Variants in BICRAL observed in about 807,000 individuals in gnomAD.
The protein encoded by BICRAL is BICRA like chromatin remodeling complex associated protein, also known as BRD4-interacting chromatin-remodeling complex-associated protein-like.
BICRAL carries 8 observed loss-of-function variants against 91.8 expected under a neutral mutation model. The ratio of observed to expected loss-of-function variants is 0.09; its 90% confidence interval spans 0.05 to 0.16. The LOEUF is 0.16. Among genes scored for constraint, BICRAL ranks in the 10% least tolerant of loss-of-function variants. BICRAL has a pLI of 1.00. For synonymous variants in BICRAL, 445 were observed against 491.1 expected, an observed-to-expected ratio of 0.91 and a Z score of 1.24; for missense variants, 1,038 against 1,310.9, an observed-to-expected ratio of 0.79 and a Z score of 3.21.
intron 1 of BICRAL, among the ~76,000 whole-genome samples, chr6:42,808,832 C>G (rs1763780733): frequency 6.6e-6 from 1 of 152,128 alleles, no homozygotes; most frequent in South Asian, 2.1e-4. Context: ...AAACAGGACC[C>G]AGAGGTTGGA....
rs190975148 is a variant in BICRAL at position 42,829,533 on chromosome 6, G to C, written c.1200G>C (p.Gln400His). ...PMGQPHAPQS[Q>H]FLIPTSLSVS... The stretch of plus-strand genomic sequence containing the variant: ...GCCAACCTCACGCACCCCAAAGTCA[G>C]TTCCTTATACCTACAAGCCTTTCTG... The change falls in exon 6 of 13, where the codon CAG (glutamine) becomes CAC (histidine). Residue 400 changes from glutamine (Q) to histidine (H), a missense_variant. This residue lies in a region of BICRAL where 532 missense variants were observed against 724.9 expected (regional missense o/e 0.73). Transcript: ENST00000314073. 2.1e-4 allele frequency: 335 copies of C among 1,614,192 alleles called. 9 individuals carry two copies. The highest frequency in any genetic ancestry group is 1.8e-3 in the East Asian group (82 of 44,882).
At chr6:42,773,555 C>T (rs1762769714) in intron 1 of BICRAL, among the ~76,000 whole-genome samples, 1 of 152,120 alleles carries the variant, frequency 6.6e-6, no homozygotes, top group Non-Finnish European at 1.5e-5. Flanking sequence ...CGCTCTGTCA[C>T]CCAGGCTAGG....
intron 5 of BICRAL, among the ~76,000 whole-genome samples, chr6:42,823,897 C>G (rs979559482): frequency 3.3e-5 from 5 of 151,790 alleles, no homozygotes; most frequent in African/African-American, 9.7e-5. Flanking sequence ...GCATTCCAGC[C>G]TGGGCGACAG....
intron 1 of BICRAL, among the ~76,000 whole-genome samples, chr6:42,798,024 T>C (rs886759008): frequency 1.3e-5 from 2 of 152,082 alleles, no homozygotes; most frequent in African/African-American, 4.8e-5. Context: ...AAGAATGATA[T>C]CATGCCCTTC....
At chr6:42,844,077 C>T (rs535163555) in intron 6 of BICRAL, among the ~76,000 whole-genome samples, 1 of 147,366 alleles carries the variant, frequency 6.8e-6, no homozygotes, top group East Asian at 2.2e-4. Flanking sequence ...GCTGGGATTA[C>T]AGACGTGAGC....
intron 6 of BICRAL, among the ~76,000 whole-genome samples, chr6:42,837,608 C>T (rs929591196): frequency 1.3e-5 from 2 of 151,676 alleles, no homozygotes; most frequent in South Asian, 2.1e-4. Context: ...AAAAATTAGC[C>T]GGATGTGGTG....
chr6:42,821,970 T>C (rs1397325993), intron 2 of BICRAL, 48 bp from the exon 3 acceptor site: 20 of 1,220,094 alleles, frequency 1.6e-5, no homozygotes, highest in Non-Finnish European at 2.2e-5. Flanking sequence ...TACTACTGTC[T>C]TTAATCTGCT....
At chr6:42,825,831 A>AATCCCT (rs2113949702) in intron 5 of BICRAL, among the ~76,000 whole-genome samples, 1 of 114,808 alleles carries the variant, frequency 8.7e-6, no homozygotes, top group African/African-American at 3.8e-5. Flanking sequence ...GGCTCACACC[A>AATCCCT]ACACTTGTGA....
chr6:42,790,154 G>A (rs1346974738), intron 1 of BICRAL, among the ~76,000 whole-genome samples: 2 of 151,812 alleles, frequency 1.3e-5, no homozygotes, highest in Non-Finnish European at 2.9e-5. Context: ...AATAAGCATT[G>A]AGTTTCATTT....
intron 6 of BICRAL, among the ~76,000 whole-genome samples, chr6:42,833,632 C>T (rs1305553653): frequency 1.3e-5 from 2 of 151,500 alleles, no homozygotes; most frequent in Non-Finnish European, 2.9e-5. Flanking sequence ...ATTTTTAGTA[C>T]AGACAGGGTT....
chr6:42,814,718 T>TTTCA (rs1286280457), intron 2 of BICRAL, among the ~76,000 whole-genome samples: 1 of 150,496 alleles, frequency 6.6e-6, no homozygotes, highest in Non-Finnish European at 1.5e-5. Context: ...TAGAACAGGG[T>TTTCA]TTCACCATGT....
chr6:42,784,344 G>A (rs1763039454), intron 1 of BICRAL, among the ~76,000 whole-genome samples: 1 of 152,088 alleles, frequency 6.6e-6, no homozygotes, highest in African/African-American at 2.4e-5. Context: ...GAAAAGAGGA[G>A]GGGAAAGGTC....
Position 42,864,710 on chromosome 6 carries a change from A to C in BICRAL, c.2504A>C (p.His835Pro). Residue 835 changes from histidine to proline, a missense_variant, in exon 13 of 13, where the codon CAT becomes CCT. His to Pro is a moderately conservative substitution (Grantham distance 77, BLOSUM62 -2). Around this residue, in one of 5 missense-constraint regions of BICRAL, gnomAD observed 294 missense variants for 292.6 expected, o/e 1.00. Coordinates refer to ENST00000314073, the MANE Select transcript of BICRAL (RefSeq NM_001393499.1). ...TCCTTCAAACTTGATAAAGCTGCTC[A>C]TGAGACACAGTTTGGCCGGAGTGAC... ...CCSFKLDKAAHETQFGRSDQH... is the reference protein window; with the variant it reads ...CCSFKLDKAAPETQFGRSDQH... The C allele has an allele frequency of 6.2e-7, 1 of 1,614,134 alleles. No individual in the cohort carries two copies. Among genetic ancestry groups the C allele is most frequent in the Non-Finnish European group, 8.5e-7 (1 of 1,180,008 alleles).
At chr6:42,808,037 T>C (rs1763758031) in intron 1 of BICRAL, among the ~76,000 whole-genome samples, 1 of 152,130 alleles carries the variant, frequency 6.6e-6, no homozygotes, top group African/African-American at 2.4e-5. Context: ...CTGGGTATTT[T>C]TTCAATATTT....
intron 1 of BICRAL, among the ~76,000 whole-genome samples, chr6:42,747,282 C>T (rs972596849): frequency 6.6e-6 from 1 of 152,196 alleles, no homozygotes; most frequent in Non-Finnish European, 1.5e-5. Context: ...TCGCATGCTT[C>T]GCTCAGATCT....
At chr6:42,791,919 G>GAT (rs1049417329) in intron 1 of BICRAL, among the ~76,000 whole-genome samples, 24 of 152,176 alleles carry the variant, frequency 1.6e-4, no homozygotes, top group African/African-American at 5.8e-4. Context: ...TAGGCTATAT[G>GAT]ATATAGCCTA....
chr6:42,844,853 ACATT>A (rs1438909505), intron 6 of BICRAL, among the ~76,000 whole-genome samples: 11 of 152,184 alleles, frequency 7.2e-5, no homozygotes, highest in African/African-American at 2.7e-4. Flanking sequence ...AAGGAGAAAG[ACATT>A]CATTCTAGAG....
rs1281025647 is a variant in BICRAL, at chr6:42,770,673, C to T, written c.-260-11166C>T. 1.4e-3 allele frequency among the ~76,000 whole-genome samples: 211 copies of T among 150,902 alleles called. 2 individuals carry two copies. Among genetic ancestry groups the T allele is most frequent in the Middle Eastern group, 0.01 (3 of 288 alleles). ...TCAGGTGATCCACCCGCCTCGGCCT[C>T]CCAAAGTGCTGGGTTTACAGGCATG... On this transcript the variant is annotated intron_variant, in intron 1 of 14. Coordinates refer to the BICRAL transcript ENST00000614467.
chr6:42,811,623 GAAAA>G (rs34979167), intron 2 of BICRAL, among the ~76,000 whole-genome samples: 2 of 84,780 alleles, frequency 2.4e-5, no homozygotes, highest in Non-Finnish European at 5.2e-5. Flanking sequence ...CCATCTCAAA[GAAAA>G]AAAAAAAAAA....
Sources: allele counts gnomAD v4.1 joint callset (sites outside exome capture counted in the v4.1 genomes callset), GRCh38; gene constraint gnomAD v4.1.1; regional missense constraint gnomAD v4.1.1; transcripts MANE v1.5; gene names NCBI Gene and HGNC (gene_info 2026-07-23, HGNC 2026-07-21).